The following UGGT2 variants were observed in gnomAD, a reference collection of about 807,000 sequenced individuals.
The protein encoded by UGGT2 is UDP-glucose:glycoprotein glucosyltransferase 2.
A neutral mutation model predicts 192.1 loss-of-function variants in UGGT2; 180 were observed. The ratio of observed to expected loss-of-function variants is 0.94; its 90% CI spans 0.83 to 1.06. The LOEUF is 1.06. UGGT2 is among the 50% of genes least tolerant of loss of function. UGGT2 has a pLI of 0.00. For synonymous variants in UGGT2, 580 were observed against 591.0 expected (o/e 0.98, Z 0.27); for missense variants, 1,849 against 1,795.7 (o/e 1.03, Z -0.54).
In UGGT2 at chr13:95,810,756, CA is replaced by C. The variant is rs150104845; in HGVS notation, c.4529-8945del. ...TACCAAAAACACAAGCAAGGAAAGA[CA>C]AAAAAACCTGAGTATCAAAAATATA... is the stretch of plus-strand genomic sequence containing the variant. On this transcript the variant is annotated intron_variant, in intron 38 of 38. Transcript: ENST00000376747. Among the ~76,000 whole-genome samples, 1,214 of 151,666 alleles carry C rather than the reference CA, an allele frequency of 8.0e-3. 22 individuals are homozygous for C. Among genetic ancestry groups the C allele is most frequent in the East Asian group, 0.068 (349 of 5,168 alleles).
Position 96,026,228 on chromosome 13 carries a change from G to A in UGGT2, c.242-2469C>T, listed in dbSNP as rs547139913. ...TCTAAAGTTAAAAATCAGAAGTTTC[G>A]AATTCACACATGAACAATTAAGTAT... On this transcript the variant is annotated intron_variant, in intron 2 of 38. Coordinates refer to ENST00000376747, the MANE Select transcript of UGGT2 (RefSeq NM_020121.4). Among the ~76,000 whole-genome samples, 72 of 152,066 alleles carry A rather than the reference G, an allele frequency of 4.7e-4. 1 individual carries two copies. Among genetic ancestry groups the A allele is most frequent in the South Asian group, 2.7e-3 (13 of 4,818 alleles).
Position 95,972,610 on chromosome 13 carries a change from C to T in UGGT2, c.1154G>A (p.Arg385His), listed in dbSNP as rs768744531. ...GDARLFINGL[R>H]VDMDVYDAFS... ...AGCGTCATAAACATCCATATCAACACGAAGGCCATTTATAAATAGACGAGC... is the reference window on the plus strand; with the variant it reads ...AGCGTCATAAACATCCATATCAACATGAAGGCCATTTATAAATAGACGAGC... The change falls in exon 11 of 39, where the codon CGT (arginine) becomes CAT (histidine). Residue 385 changes from arginine to histidine, a missense_variant. Coordinates refer to ENST00000376747, the MANE Select transcript of UGGT2 (RefSeq NM_020121.4). 6.8e-6 allele frequency: 11 copies of T among 1,613,590 alleles called. No homozygotes were observed. The highest frequency in any genetic ancestry group is 4.5e-5 in the East Asian group (2 of 44,824).
rs1335574906 is a variant in UGGT2 at position 96,023,039 on chromosome 13, C to T, written c.485+1G>A. On this transcript the variant is annotated splice_donor_variant, in intron 4 of 38. Transcript: ENST00000376747. LOFTEE classifies it high-confidence loss of function. ...TTCATTATAGGCTATTATTAATTTA[C>T]CTTGAAGCAGCTTTCTTCAGCAGCT... 5 of 1,573,938 alleles carry T rather than the reference C, an allele frequency of 3.2e-6. No individual in the cohort carries two copies. The highest frequency in any genetic ancestry group is 3.5e-5 in the Admixed American group (2 of 57,264).
intron 5 of UGGT2, among the ~76,000 whole-genome samples, chr13:96,006,623 CAAAAAAAAAAAAA>C (rs61256349): frequency 0.019 from 1,820 of 93,588 alleles, 83 homozygotes; most frequent in African/African-American, 0.087. Context: ...GATTCTGCCT[CAAAAAAAAAAAAA>C]AAAAAAAAAA....
intron 1 of UGGT2, among the ~76,000 whole-genome samples, chr13:96,040,779 A>G (rs1344040219): frequency 2.0e-5 from 3 of 152,188 alleles, no homozygotes; most frequent in Admixed American, 2.0e-4. Context: ...GACTGCGGCT[A>G]GACTGTCAAG....
chr13:95,989,858 A>G (rs1397326434), intron 8 of UGGT2, 115 bp downstream of exon 8: 1 of 591,672 alleles, frequency 1.7e-6, no homozygotes, highest in Non-Finnish European at 2.8e-6. Context: ...TATATTATTC[A>G]CTAGTCATTA....
At chr13:95,851,883 T>G (rs955845225) in intron 36 of UGGT2, among the ~76,000 whole-genome samples, 1 of 152,112 alleles carries the variant, frequency 6.6e-6, no homozygotes. Flanking sequence ...TCATTCATAT[T>G]TAAGACTAAG....
intron 7 of UGGT2, among the ~76,000 whole-genome samples, chr13:95,992,706 C>T (rs921682757): frequency 2.0e-5 from 3 of 151,888 alleles, no homozygotes; most frequent in Non-Finnish European, 4.4e-5. Context: ...CAGAGAAATG[C>T]AAGTCAAAAC....
At chr13:95,895,593 A>T (rs1422835537) in intron 22 of UGGT2, among the ~76,000 whole-genome samples, 3 of 152,046 alleles carry the variant, frequency 2.0e-5, no homozygotes, top group Admixed American at 6.6e-5. Context: ...TAAATCATAA[A>T]TCATGATTTG....
intron 38 of UGGT2, among the ~76,000 whole-genome samples, chr13:95,825,122 T>G (rs1391886271): frequency 6.6e-6 from 1 of 152,150 alleles, no homozygotes; most frequent in African/African-American, 2.4e-5. Flanking sequence ...GCAAGTTTGC[T>G]ATCTCCTATG....
At chr13:95,871,092 T>C (rs997626162) in intron 29 of UGGT2, among the ~76,000 whole-genome samples, 5 of 152,144 alleles carry the variant, frequency 3.3e-5, no homozygotes, top group African/African-American at 1.2e-4. Flanking sequence ...AAAATGAATG[T>C]GAAAATTAAA....
intron 22 of UGGT2, among the ~76,000 whole-genome samples, chr13:95,900,543 A>C (rs1013992496): frequency 2.6e-5 from 4 of 152,176 alleles, no homozygotes; most frequent in African/African-American, 9.6e-5. Flanking sequence ...TAATACTTAC[A>C]TTAGAACAAA....
intron 12 of UGGT2, among the ~76,000 whole-genome samples, chr13:95,961,034 A>C (rs2050375272): frequency 1.3e-5 from 2 of 152,322 alleles, no homozygotes; most frequent in East Asian, 3.9e-4. Context: ...GAAATGCTTA[A>C]GGGAGTCCTA....
chr13:96,017,781 A>G (rs1367688116), intron 4 of UGGT2, among the ~76,000 whole-genome samples: 5 of 152,200 alleles, frequency 3.3e-5, no homozygotes, highest in Admixed American at 6.5e-5. Context: ...GCATTTTTCT[A>G]AAGTATTTGA....
chr13:95,832,145 A>C (rs1886775518), intron 38 of UGGT2, among the ~76,000 whole-genome samples: 1 of 152,054 alleles, frequency 6.6e-6, no homozygotes, highest in Non-Finnish European at 1.5e-5. Context: ...AAGCTGAGGA[A>C]AATGAGAACT....
chr13:95,925,922 T>C (rs2049001637), intron 19 of UGGT2, 148 bp from the exon 20 acceptor site: 1 of 466,354 alleles, frequency 2.1e-6, no homozygotes, highest in Non-Finnish European at 3.9e-6. Context: ...TGTGAATGTA[T>C]ACATGCAAGT....
At chr13:95,823,427 T>C (rs952007749) in intron 38 of UGGT2, among the ~76,000 whole-genome samples, 1 of 152,110 alleles carries the variant, frequency 6.6e-6, no homozygotes, top group South Asian at 2.1e-4. Context: ...GTAACTGTTT[T>C]ATAAATATGA....
At chr13:95,938,779 C>T (rs528942147) in intron 16 of UGGT2, among the ~76,000 whole-genome samples, 36 of 152,278 alleles carry the variant, frequency 2.4e-4, no homozygotes, top group African/African-American at 8.4e-4. Context: ...CATCTCCCCT[C>T]TACCTTATCC....
At chr13:95,869,515 G>A (rs1263734304) in intron 29 of UGGT2, among the ~76,000 whole-genome samples, 2 of 152,162 alleles carry the variant, frequency 1.3e-5, no homozygotes, top group African/African-American at 2.4e-5. Context: ...CAGTGTAAAA[G>A]TGTTCCTATT....
Sources: gnomAD v4.1 joint callset for allele counts (sites outside exome capture counted in the v4.1 genomes callset) on GRCh38, gnomAD v4.1.1 for gene constraint, MANE v1.5 for transcripts, NCBI Gene and HGNC (gene_info 2026-07-23, HGNC 2026-07-21) for gene names.